HAPLN2: variants seen among roughly 807,000 people sequenced by gnomAD.
The protein encoded by HAPLN2 is brain link protein-1.
In HAPLN2, 27 loss-of-function variants were observed where a neutral mutation model predicts 29.3. That is an observed-to-expected ratio of 0.92 (90% CI 0.68 to 1.27). The LOEUF (loss-of-function observed/expected upper bound fraction) is 1.27. Among genes scored for constraint, HAPLN2 ranks in the 50% most tolerant of loss-of-function variants. HAPLN2 has a pLI of 0.00. For missense variants in HAPLN2, 454 were observed against 484.3 expected, an observed-to-expected ratio of 0.94 and a Z score of 0.59; for synonymous variants, 208 against 211.7, an observed-to-expected ratio of 0.98 and a Z score of 0.15.
At chr1:156,623,675 A>T in intron 3 of HAPLN2, 100 bp downstream of exon 3, 1 of 1,553,684 alleles carries the variant, frequency 6.4e-7, no homozygotes, top group South Asian at 1.2e-5. Flanking sequence ...CAGGGACTGA[A>T]AGTCATTGCT....
rs1223649049 is a variant in HAPLN2, at chr1:156,624,645, G to A, written c.601G>A (p.Glu201Lys). Reference protein sequence around the residue: ...LDWCNAGWLLEGSVRYPVLTA... With the variant: ...LDWCNAGWLLKGSVRYPVLTA... ...CTGGTGTAACGCGGGCTGGCTGCTC[G>A]AGGGCTCCGTGCGCTACCCTGTGCT... Residue 201 changes from glutamate to lysine, a missense_variant, in exon 6 of 7, where the codon GAG becomes AAG. Glu to Lys is a moderately conservative substitution (Grantham distance 56). Coordinates refer to ENST00000255039, the MANE Select transcript of HAPLN2 (RefSeq NM_021817.3). The A allele has an allele frequency of 3.7e-6, 6 of 1,611,736 alleles. No homozygotes were observed. The highest frequency in any genetic ancestry group is 5.1e-6 in the Non-Finnish European group (6 of 1,179,508).
At chr1:156,601,641 T>C in the HAPLN2 span, 6 of 614,106 alleles carry the variant, frequency 9.8e-6, no homozygotes, top group African/African-American at 1.8e-5. Context: ...CCGAGGCTGT[T>C]CCACTTGCCT....
rs762920807 is a variant in HAPLN2 at position 156,624,147 on chromosome 1, C to A, written c.426C>A (p.Thr142=). ...TCGAGGACGAGAGCGTGGCGCTGAC[C>A]TTGAGCTTGGAGGGTGAGGCCCTTC... ...NGIEDESVAL[T]LSLEGVVFPY... Residue 142 remains threonine, a synonymous_variant, in exon 4 of 7, where the codon ACC becomes ACA. Coordinates refer to ENST00000255039, the MANE Select transcript of HAPLN2 (RefSeq NM_021817.3). 1.2e-5 allele frequency: 20 copies of A among 1,613,124 alleles called. No individual in the cohort carries two copies.
the HAPLN2 span, among the ~76,000 whole-genome samples, chr1:156,603,215 A>C: frequency 7.5e-6 from 1 of 133,292 alleles, no homozygotes; most frequent in Admixed American, 7.6e-5. Flanking sequence ...GACCTTGAAC[A>C]ATTTTTTTTT....
At chr1:156,621,187 C>T (rs1678207660) in intron 2 of HAPLN2, among the ~76,000 whole-genome samples, 1 of 150,174 alleles carries the variant, frequency 6.7e-6, no homozygotes, top group Non-Finnish European at 1.5e-5. Flanking sequence ...TCACTGCAGC[C>T]TCCACCTCCT....
intron 1 of HAPLN2, 58 bp downstream of exon 1, chr1:156,619,593 A>G (rs1006030878): frequency 2.0e-5 from 3 of 152,220 alleles, no homozygotes; most frequent in Non-Finnish European, 2.9e-5. Flanking sequence ...TGAGGCGCAT[A>G]TGGAAAGGGA....
At chr1:156,608,023 C>T in the HAPLN2 span, among the ~76,000 whole-genome samples, 1 of 152,094 alleles carries the variant, frequency 6.6e-6, no homozygotes. Flanking sequence ...TTCATTAACC[C>T]TTTGAGTTCA....
At chr1:156,606,423 TAAAAAAAA>T in the HAPLN2 span, among the ~76,000 whole-genome samples, 1,418 of 49,500 alleles carry the variant, frequency 0.029, 41 homozygotes, top group African/African-American at 0.098. Context: ...AGACTCTGTC[TAAAAAAAA>T]AAAAAAAAAA....
Position 156,625,679 on chromosome 1 carries a change from C to A in HAPLN2, c.*295C>A. Reference sequence around the variant, plus strand: ...GGGGGGAGGGTGAGGCGGCCGGGGGCATTAACTGACCTCTGAGTACAGCAA... The same window carrying A: ...GGGGGGAGGGTGAGGCGGCCGGGGGAATTAACTGACCTCTGAGTACAGCAA... On this transcript the variant is annotated 3_prime_UTR_variant, in exon 7 of 7. Transcript: ENST00000255039. This position sits in a 1 kb window ranked among gnomAD's most constrained non-coding sequence, Gnocchi z 5.7. 2.6e-6 allele frequency: 1 copy of A among 390,114 alleles called. No individual in the cohort carries two copies. The highest frequency in any genetic ancestry group is 4.6e-6 in the Non-Finnish European group (1 of 218,666). 24.2% of individuals were successfully genotyped at this position (390,114 alleles called of 1,614,324 possible). A position where few individuals can be genotyped will look rare whatever the true frequency, so the allele number is the denominator to read the frequency against.
rs1238712631 is a variant in HAPLN2 at position 156,623,482 on chromosome 1, C to A, written c.-9C>A. The A allele has an allele frequency of 6.2e-7, 1 of 1,613,582 alleles. No individual in the cohort carries two copies. Among genetic ancestry groups the A allele is most frequent in the Admixed American group, 1.7e-5 (1 of 60,014 alleles). On this transcript the variant is annotated 5_prime_UTR_variant, in exon 3 of 7. Coordinates refer to ENST00000255039, the MANE Select transcript of HAPLN2 (RefSeq NM_021817.3). Reference sequence around the variant, plus strand: ...TGCCCTGCAGACGGTGCCGGGCTGACCCCCCATCATGCCAGGCTGGCTCAC... The same window carrying A: ...TGCCCTGCAGACGGTGCCGGGCTGAACCCCCATCATGCCAGGCTGGCTCAC...
the HAPLN2 span, among the ~76,000 whole-genome samples, chr1:156,603,778 A>G: frequency 6.6e-6 from 1 of 152,340 alleles, no homozygotes; most frequent in South Asian, 2.1e-4. Context: ...ACTAAGGGCT[A>G]GAGGTATAAA....
Position 156,623,810 on chromosome 1 carries a change from C to T in HAPLN2, c.89C>T (p.Ser30Phe). The T allele has an allele frequency of 6.6e-7, 1 of 1,511,198 alleles. No individual in the cohort carries two copies. Among genetic ancestry groups the T allele is most frequent in the Non-Finnish European group, 8.8e-7 (1 of 1,131,218 alleles). 93.6% of individuals were successfully genotyped at this position (1,511,198 alleles called of 1,614,324 possible). A position where few individuals can be genotyped will look rare whatever the true frequency, so the allele number is the denominator to read the frequency against. The change falls in exon 4 of 7, where the codon TCC becomes TTC. Residue 30 changes from serine (S) to phenylalanine (F), a missense_variant. This residue lies in a region of HAPLN2 where 204 missense variants were observed against 209.2 expected (regional missense o/e 0.98). Transcript: ENST00000255039. ...CACTGTGGCCCCCTCTGCCCAGCATCCCACCCGGGCCCCCACTACCTCCTG... is the reference window on the plus strand; with the variant it reads ...CACTGTGGCCCCCTCTGCCCAGCATTCCACCCGGGCCCCCACTACCTCCTG... Reference protein sequence around the residue: ...IFHKAQGDPASHPGPHYLLPP... With the variant: ...IFHKAQGDPAFHPGPHYLLPP...
At chr1:156,620,260 G>A (rs917678798) in intron 2 of HAPLN2, 102 bp downstream of exon 2, 1 of 152,156 alleles carries the variant, frequency 6.6e-6, no homozygotes, top group Non-Finnish European at 1.5e-5. Context: ...GTGATTAAGC[G>A]CTTGAGCCTC....
Position 156,624,039 on chromosome 1 carries a change from G to A in HAPLN2, c.318G>A (p.Gly106=), listed in dbSNP as rs1181114972. 1 of 1,612,852 alleles carries A rather than the reference G, an allele frequency of 6.2e-7. No individual in the cohort carries two copies. Among genetic ancestry groups the A allele is most frequent in the South Asian group, 1.1e-5 (1 of 90,934 alleles). ...PLGGRARMRR[G]HRLDASLVIA... ...GAGGGCGCGCCAGGATGCGGAGGGG[G>A]CATCGACTAGACGCCTCCCTGGTCA... Residue 106 remains glycine, a synonymous_variant, in exon 4 of 7, where the codon GGG becomes GGA. Transcript: ENST00000255039.
the HAPLN2 span, chr1:156,601,620 T>C: frequency 3.0e-6 from 2 of 662,208 alleles, no homozygotes; most frequent in East Asian, 2.7e-5. Flanking sequence ...GCGTGCCCAT[T>C]TTCGGAGGTT....
At chr1:156,624,186 T>C in intron 4 of HAPLN2, 26 bp downstream of exon 4, 2 of 1,601,440 alleles carry the variant, frequency 1.2e-6, no homozygotes, top group African/African-American at 1.3e-5. Flanking sequence ...TCCCGCCCCA[T>C]TCCTGTGTAG....
At chr1:156,609,094 CTG>C in the HAPLN2 span, among the ~76,000 whole-genome samples, 1 of 152,192 alleles carries the variant, frequency 6.6e-6, no homozygotes, top group Non-Finnish European at 1.5e-5. Flanking sequence ...GTCTGAAGCG[CTG>C]AGTCTGAAGG....
chr1:156,609,414 G>A, the HAPLN2 span, among the ~76,000 whole-genome samples: 2 of 152,188 alleles, frequency 1.3e-5, no homozygotes, highest in Admixed American at 6.5e-5. Flanking sequence ...TATGTGGTAG[G>A]ATTAAGGGGG....
chr1:156,624,115 A>C lies in HAPLN2; in HGVS notation c.394A>C (p.Asn132His). 6.2e-7 allele frequency: 1 copy of C among 1,613,534 alleles called. No individual in the cohort carries two copies. The highest frequency in any genetic ancestry group is 8.5e-7 in the Non-Finnish European group (1 of 1,179,864). ...DEGRYRCELI[N>H]GIEDESVALT... is the part of the protein sequence containing the mutation. ...GGGCCGGTACCGCTGCGAGCTCATC[A>C]ACGGCATCGAGGACGAGAGCGTGGC... Residue 132 changes from asparagine (N) to histidine (H), a missense_variant, in exon 4 of 7, where the codon AAC becomes CAC. Physicochemically the swap from Asn to His is moderately conservative, Grantham distance 68. Coordinates refer to ENST00000255039, the MANE Select transcript of HAPLN2 (RefSeq NM_021817.3).
Sources: allele counts gnomAD v4.1 joint callset (sites outside exome capture counted in the v4.1 genomes callset), GRCh38; gene constraint gnomAD v4.1.1; regional missense constraint gnomAD v4.1.1; non-coding constraint Gnocchi (gnomAD v3.1); transcripts MANE v1.5; gene names NCBI Gene and HGNC (gene_info 2026-07-23, HGNC 2026-07-21).